IGF1R: variants seen among roughly 807,000 people sequenced by gnomAD.
IGF1R encodes the protein insulin like growth factor 1 receptor.
Under a neutral mutation model 144.6 loss-of-function variants are expected in IGF1R, and 44 were observed. The observed-to-expected ratio is 0.30, with a 90% CI of 0.24 to 0.39. The LOEUF (loss-of-function observed/expected upper bound fraction) is 0.39. IGF1R is among the 10% of genes least tolerant of loss of function. IGF1R has a pLI of 1.00. For synonymous variants in IGF1R, 795 were observed against 722.8 expected (o/e 1.10, Z -1.60); for missense variants, 1,355 against 1,833.7 (o/e 0.74, Z 4.77).
rs2151674233 is a variant in IGF1R, at chr15:98,911,348, C to A, written c.1496C>A (p.Thr499Asn). The A allele has an allele frequency of 2.5e-6, 4 of 1,614,166 alleles. No individual in the cohort carries two copies. The East Asian group carries it at 6.7e-5, about 27-fold the overall frequency. ...ESDVLHFTST[T>N]TSKNRIIITW... ...GACGTCCTGCATTTCACCTCCACCACCACGTCGAAGAATCGCATCATCATA... is the reference window on the plus strand; with the variant it reads ...GACGTCCTGCATTTCACCTCCACCAACACGTCGAAGAATCGCATCATCATA... Residue 499 changes from threonine to asparagine, a missense_variant, in exon 7 of 21, where the codon ACC becomes AAC. Physicochemically the swap from Thr to Asn is moderately conservative, Grantham distance 65 (BLOSUM62 0). Around this residue, in one of 7 missense-constraint regions of IGF1R, gnomAD observed 880 missense variants for 1,202.7 expected, o/e 0.73. Coordinates refer to ENST00000650285, the MANE Select transcript of IGF1R (RefSeq NM_000875.5).
At chr15:98,822,626 A>G (rs1241250998) in intron 2 of IGF1R, among the ~76,000 whole-genome samples, 2 of 152,206 alleles carry the variant, frequency 1.3e-5, no homozygotes, top group African/African-American at 4.8e-5. Context: ...CATTTCTCCT[A>G]TGAGGAAGCT....
In IGF1R at chr15:98,935,724, C is replaced by G. The variant is rs1382542805; in HGVS notation, c.3297+298C>G. Among the ~76,000 whole-genome samples, 4 of 152,010 alleles carry G rather than the reference C, an allele frequency of 2.6e-5. No individual in the cohort carries two copies. Among genetic ancestry groups the G allele is most frequent in the Non-Finnish European group, 2.9e-5 (2 of 68,000 alleles). On this transcript the variant is annotated intron_variant, in intron 17 of 20. Transcript: ENST00000650285. This position sits in a 1 kb window ranked among gnomAD's most constrained non-coding sequence, Gnocchi z 4.2. ...CCTCCCCACATCAGTGTCCACCTGC[C>G]AAGCCAGGCCAGCGCCACTCCCTCC...
At chr15:98,841,703 A>T (rs2011177320) in intron 2 of IGF1R, among the ~76,000 whole-genome samples, 1 of 152,164 alleles carries the variant, frequency 6.6e-6, no homozygotes, top group African/African-American at 2.4e-5. Flanking sequence ...GCATTGGAAA[A>T]GTGTGTTTGA....
chr15:98,956,992 G>T, intron 20 of IGF1R, 69 bp from the exon 21 acceptor site: 2 of 1,546,992 alleles, frequency 1.3e-6, no homozygotes, highest in Non-Finnish European at 1.8e-6. Flanking sequence ...CACTGCAGGC[G>T]GCCCATGAAG....
At chr15:98,858,391 T>C (rs1159544883) in intron 2 of IGF1R, among the ~76,000 whole-genome samples, 2 of 152,270 alleles carry the variant, frequency 1.3e-5, no homozygotes, top group African/African-American at 4.8e-5. Context: ...AGCACAGTCC[T>C]GTGATGTATT....
Position 98,962,193 on chromosome 15 carries a change from G to C in IGF1R, c.*4751G>C. ...TAGCTGTCACGTTGGCTCCTTCCAG[G>C]GTGGCCAGACGGTGTTGGCCACTCC... On this transcript the variant is annotated 3_prime_UTR_variant, in exon 21 of 21. Transcript: ENST00000650285. 4.3e-6 allele frequency: 1 copy of C among 233,332 alleles called. No homozygotes were observed. Among genetic ancestry groups the C allele is most frequent in the Non-Finnish European group, 8.5e-6 (1 of 118,092 alleles). The allele number at this position is 233,332 out of a possible 1,614,324, so 14.5% of individuals were successfully genotyped here.
intron 2 of IGF1R, among the ~76,000 whole-genome samples, chr15:98,841,215 C>T (rs1214197855): frequency 6.6e-6 from 1 of 152,054 alleles, no homozygotes; most frequent in Admixed American, 6.5e-5. Flanking sequence ...GAGCCCTGTA[C>T]GAGGAAGTGC....
At chr15:98,858,741 G>C (rs2141578432) in intron 2 of IGF1R, among the ~76,000 whole-genome samples, 1 of 152,340 alleles carries the variant, frequency 6.6e-6, no homozygotes, top group African/African-American at 2.4e-5. Flanking sequence ...TCCGTGGCCA[G>C]GGTTTGCGGG....
At chr15:98,902,235 T>C (rs2014516260) in intron 5 of IGF1R, among the ~76,000 whole-genome samples, 1 of 152,100 alleles carries the variant, frequency 6.6e-6, no homozygotes, top group African/African-American at 2.4e-5. Flanking sequence ...TAAAGATCCC[T>C]AGGCACTTCA....
chr15:98,692,260 C>G (rs964076399), intron 1 of IGF1R, among the ~76,000 whole-genome samples: 1 of 152,150 alleles, frequency 6.6e-6, no homozygotes, highest in Non-Finnish European at 1.5e-5. Flanking sequence ...ATCACTTGAG[C>G]CCAGGAAGTT....
intron 8 of IGF1R, among the ~76,000 whole-genome samples, chr15:98,914,899 G>A (rs893892969): frequency 1.3e-5 from 2 of 152,158 alleles, no homozygotes; most frequent in Non-Finnish European, 2.9e-5. Context: ...CCCTAAAGTG[G>A]CTGAGCATCA....
intron 2 of IGF1R, among the ~76,000 whole-genome samples, chr15:98,721,678 C>G (rs2054250256): frequency 6.6e-6 from 1 of 152,212 alleles, no homozygotes; most frequent in South Asian, 2.1e-4. Context: ...TTGCCTTGCT[C>G]TGGTGCTGGC....
intron 2 of IGF1R, among the ~76,000 whole-genome samples, chr15:98,784,006 C>T (rs1838351684): frequency 9.9e-6 from 1 of 100,946 alleles, no homozygotes; most frequent in Admixed American, 1.7e-4. Context: ...ATGGAGTCTC[C>T]CTTTGTTGCC....
intron 2 of IGF1R, among the ~76,000 whole-genome samples, chr15:98,864,850 G>A (rs1193935914): frequency 6.6e-6 from 1 of 152,114 alleles, no homozygotes; most frequent in African/African-American, 2.4e-5. Context: ...GAAACCGAAT[G>A]GCTAAATTTT....
intron 2 of IGF1R, among the ~76,000 whole-genome samples, chr15:98,765,799 C>T (rs1284938105): frequency 1.3e-5 from 2 of 152,196 alleles, no homozygotes; most frequent in Non-Finnish European, 2.9e-5. Flanking sequence ...GATTGCACAA[C>T]CCACTCCTTC....
chr15:98,899,941 G>C (rs1179642743), intron 5 of IGF1R, among the ~76,000 whole-genome samples: 11 of 152,188 alleles, frequency 7.2e-5, no homozygotes, highest in Admixed American at 5.2e-4. Flanking sequence ...AATGACAGCA[G>C]TTGGTCTGGA....
In IGF1R at chr15:98,735,271, C is replaced by T. The variant is rs574819952; in HGVS notation, c.640+27164C>T. Among the ~76,000 whole-genome samples the T allele has an allele frequency of 7.8e-4, 118 of 152,254 alleles. 1 individual carries two copies. The South Asian group carries it at 0.021, about 28-fold the overall frequency. Reference sequence around the variant, plus strand: ...GAAAGCCCGTTTCAATTGGCTCAAGCGGAAAAGAGCACTGTGGGTCCACTT... The same window carrying T: ...GAAAGCCCGTTTCAATTGGCTCAAGTGGAAAAGAGCACTGTGGGTCCACTT... On this transcript the variant is annotated intron_variant, in intron 2 of 20. Coordinates refer to ENST00000650285, the MANE Select transcript of IGF1R (RefSeq NM_000875.5).
intron 2 of IGF1R, among the ~76,000 whole-genome samples, chr15:98,811,515 G>C (rs9744774): frequency 0.54 from 80,510 of 148,510 alleles, 22,278 homozygotes; most frequent in East Asian, 0.65. Context: ...GGGTGACAGA[G>C]CGAAACTCCA....
chr15:98,717,701 G>A, intron 2 of IGF1R, among the ~76,000 whole-genome samples: 1 of 152,172 alleles, frequency 6.6e-6, no homozygotes, highest in East Asian at 1.9e-4. Context: ...GTATTTGGGA[G>A]CATTTAAGAA....
Sources: gnomAD v4.1 joint callset for allele counts (sites outside exome capture counted in the v4.1 genomes callset) on GRCh38, gnomAD v4.1.1 for gene constraint, gnomAD v4.1.1 regional missense constraint, Gnocchi (gnomAD v3.1) non-coding constraint, MANE v1.5 for transcripts, NCBI Gene and HGNC (gene_info 2026-07-23, HGNC 2026-07-21) for gene names.